The following SLC9A9 variants were observed in gnomAD, a reference collection of about 807,000 sequenced individuals.
SLC9A9 encodes the protein solute carrier family 9 member A9.
Under a neutral mutation model 77.8 loss-of-function variants are expected in SLC9A9, and 62 were observed. That is an observed-to-expected ratio of 0.80 (90% CI 0.65 to 0.98). The LOEUF (loss-of-function observed/expected upper bound fraction) is 0.98, where lower values mean the gene tolerates loss of function less well. SLC9A9 is among the 50% of genes least tolerant of loss of function. SLC9A9 has a pLI of 0.00. For synonymous variants in SLC9A9, 320 were observed against 283.5 expected (o/e 1.13, Z -1.29); for missense variants, 775 against 774.9 (o/e 1.00, Z 0.00).
intron 12 of SLC9A9, among the ~76,000 whole-genome samples, chr3:143,421,799 G>T (rs1278047419): frequency 6.6e-6 from 1 of 152,038 alleles, no homozygotes; most frequent in Non-Finnish European, 1.5e-5. Context: ...ACAATAAACA[G>T]GCCACCCACA....
At chr3:143,411,067 T>A (rs1395878805) in intron 12 of SLC9A9, among the ~76,000 whole-genome samples, 3 of 152,250 alleles carry the variant, frequency 2.0e-5, no homozygotes, top group Non-Finnish European at 2.9e-5. Context: ...TGTAGAATTT[T>A]AGAATTATGT....
chr3:143,844,702 ACTTTCTTTCTCTTT>A (rs2009784163), intron 1 of SLC9A9, among the ~76,000 whole-genome samples: 2 of 150,834 alleles, frequency 1.3e-5, no homozygotes, highest in Admixed American at 6.6e-5. Context: ...TAAAAGTTTA[ACTTTCTTTCTCTTT>A]CTTTCTTTCT....
intron 4 of SLC9A9, among the ~76,000 whole-genome samples, chr3:143,730,799 G>A (rs1934783597): frequency 6.6e-6 from 1 of 151,912 alleles, no homozygotes; most frequent in Non-Finnish European, 1.5e-5. Context: ...GGGTGAACAG[G>A]GAGAATATAA....
rs535489523 is a variant in SLC9A9, at chr3:143,628,036, G to A, written c.755+24219C>T. ...TTGTATTTGATTTATCTAATTTAAT[G>A]TATTATGTATTTTACCCTTCTAAAC... On this transcript the variant is annotated intron_variant, in intron 6 of 15. Transcript: ENST00000316549. Among the ~76,000 whole-genome samples the A allele has an allele frequency of 4.6e-5, 7 of 152,290 alleles. No individual in the cohort carries two copies. The East Asian group carries it at 1.3e-3, about 29-fold the overall frequency.
chr3:143,358,291 C>G (rs547647187), intron 14 of SLC9A9, among the ~76,000 whole-genome samples: 1 of 152,276 alleles, frequency 6.6e-6, no homozygotes, highest in South Asian at 2.1e-4. Flanking sequence ...TCAGTGCACT[C>G]TTCATTCCAA....
At chr3:143,548,477 A>G (rs1201229841) in intron 9 of SLC9A9, among the ~76,000 whole-genome samples, 2 of 152,162 alleles carry the variant, frequency 1.3e-5, no homozygotes, top group Admixed American at 1.3e-4. Context: ...GCTCCCAGGG[A>G]AAGAGACAGG....
chr3:143,668,773 T>A (rs982093756), intron 5 of SLC9A9, among the ~76,000 whole-genome samples: 1 of 152,220 alleles, frequency 6.6e-6, no homozygotes, highest in Admixed American at 6.5e-5. Flanking sequence ...CCTTTTCTCC[T>A]GTATTCTGCC....
chr3:143,429,821 G>C (rs1398877767), intron 12 of SLC9A9, among the ~76,000 whole-genome samples: 1 of 152,198 alleles, frequency 6.6e-6, no homozygotes, highest in Non-Finnish European at 1.5e-5. Flanking sequence ...CTAAGCGCTA[G>C]TAATACCAGA....
At chr3:143,528,047 T>C (rs1256418369) in intron 9 of SLC9A9, among the ~76,000 whole-genome samples, 1 of 152,166 alleles carries the variant, frequency 6.6e-6, no homozygotes, top group African/African-American at 2.4e-5. Context: ...CAGAGAGAAA[T>C]GGAGAAAATC....
At chr3:143,811,866 G>GAAAAAAAAAA in intron 2 of SLC9A9, 1 of 215,084 alleles carries the variant, frequency 4.6e-6, no homozygotes, top group South Asian at 3.8e-5. Flanking sequence ...TGTCTAAAAA[G>GAAAAAAAAAA]AAAAAAAAAA....
intron 9 of SLC9A9, among the ~76,000 whole-genome samples, chr3:143,523,490 A>T (rs922675352): frequency 1.8e-4 from 28 of 152,306 alleles, no homozygotes; most frequent in Admixed American, 1.3e-3. Flanking sequence ...GTACCTGTTA[A>T]GATCTCTTAT....
intron 12 of SLC9A9, among the ~76,000 whole-genome samples, chr3:143,440,401 GGA>G (rs1347158526): frequency 2.0e-5 from 3 of 152,200 alleles, no homozygotes; most frequent in Non-Finnish European, 4.4e-5. Flanking sequence ...TGGAGAATGA[GGA>G]GAGTCGGGGT....
intron 12 of SLC9A9, among the ~76,000 whole-genome samples, chr3:143,434,499 C>T (rs1275826065): frequency 6.6e-6 from 1 of 152,118 alleles, no homozygotes; most frequent in Non-Finnish European, 1.5e-5. Context: ...TTTTCCTTTC[C>T]AGTGTTCGAT....
At chr3:143,446,127 G>A (rs1559919014) in intron 12 of SLC9A9, among the ~76,000 whole-genome samples, 1 of 152,018 alleles carries the variant, frequency 6.6e-6, no homozygotes, top group Non-Finnish European at 1.5e-5. Flanking sequence ...AAATTATCCA[G>A]TGAAAAGGAC....
chr3:143,266,324 C>A lies in SLC9A9; in HGVS notation c.*378G>T. The A allele has an allele frequency of 1.8e-6, 1 of 569,664 alleles. No individual in the cohort carries two copies. Among genetic ancestry groups the A allele is most frequent in the Admixed American group, 3.1e-5 (1 of 32,122 alleles). 35.3% of individuals were successfully genotyped at this position (569,664 alleles called of 1,614,324 possible). The stretch of plus-strand genomic sequence containing the variant: ...AGCTTTCTTTTATTTTTAAACTCTC[C>A]TTAATGGAGGGAATAAAATCCAGAA... On this transcript the variant is annotated 3_prime_UTR_variant, in exon 16 of 16. Transcript: ENST00000316549.
chr3:143,614,170 A>G (rs62269805), intron 6 of SLC9A9, among the ~76,000 whole-genome samples: 16,556 of 152,228 alleles, frequency 0.11, 1,060 homozygotes, highest in Non-Finnish European at 0.14. Flanking sequence ...GCAGGCAATA[A>G]GGGTACCATC....
intron 4 of SLC9A9, among the ~76,000 whole-genome samples, chr3:143,793,088 T>C (rs768878494): frequency 2.0e-5 from 3 of 152,358 alleles, no homozygotes; most frequent in Non-Finnish European, 2.9e-5. Context: ...AAATTTTTCT[T>C]AGGACTACTC....
chr3:143,826,270 A>AC (rs2009297534), intron 2 of SLC9A9, among the ~76,000 whole-genome samples: 1 of 151,710 alleles, frequency 6.6e-6, no homozygotes, highest in African/African-American at 2.4e-5. Context: ...AAAAAAAAAA[A>AC]AAACCACCAT....
intron 6 of SLC9A9, among the ~76,000 whole-genome samples, chr3:143,616,721 T>A (rs1218604140): frequency 6.6e-6 from 1 of 152,180 alleles, no homozygotes. Context: ...CCCTAAATCC[T>A]GGCCTAGGAG....
Sources: gnomAD v4.1 joint callset for allele counts (sites outside exome capture counted in the v4.1 genomes callset) on GRCh38, gnomAD v4.1.1 for gene constraint, MANE v1.5 for transcripts, NCBI Gene and HGNC (gene_info 2026-07-23, HGNC 2026-07-21) for gene names.